The following SYMPK variants were observed in gnomAD, a reference collection of about 807,000 sequenced individuals.
The protein encoded by SYMPK is symplekin scaffold protein, also known as symplekin.
In SYMPK, 49 loss-of-function variants were observed where a neutral mutation model predicts 136.4. The observed-to-expected ratio is 0.36, with a 90% confidence interval of 0.29 to 0.46. The LOEUF (loss-of-function observed/expected upper bound fraction) is 0.46, where lower values mean the gene tolerates loss of function less well. SYMPK is among the 20% of genes least tolerant of loss of function. The pLI, the probability that SYMPK is intolerant of heterozygous loss-of-function variation, is 1.00. For synonymous variants in SYMPK, 766 were observed against 713.0 expected (o/e 1.07, Z -1.19); for missense variants, 1,365 against 1,690.0 (o/e 0.81, Z 3.37).
At chr19:45,824,654 C>T (rs963565358) in intron 18 of SYMPK, among the ~76,000 whole-genome samples, 2 of 152,208 alleles carry the variant, frequency 1.3e-5, no homozygotes, top group Admixed American at 6.5e-5. Flanking sequence ...AATCCTGCTG[C>T]AAACTGGAAG....
chr19:45,830,675 G>A (rs1271227698), intron 12 of SYMPK: 4 of 154,024 alleles, frequency 2.6e-5, no homozygotes, highest in African/African-American at 9.6e-5. Context: ...GGATCACGAG[G>A]TCAGGAGATC....
At chr19:45,824,037 G>A (rs1035936643) in intron 18 of SYMPK, 162 bp from the exon 19 acceptor site, 9 of 498,390 alleles carry the variant, frequency 1.8e-5, no homozygotes, top group African/African-American at 1.6e-4. Flanking sequence ...AGGAGAGTCA[G>A]AAGAACCTTG....
rs1600533686 is a variant in SYMPK at position 45,855,873 on chromosome 19, T to C, written c.-12-1366A>G. 3 of 151,996 alleles carry C rather than the reference T, an allele frequency of 2.0e-5. No individual in the cohort carries two copies. The South Asian group carries it at 6.2e-4, about 32-fold the overall frequency. 9.4% of individuals were successfully genotyped at this position (151,996 alleles called of 1,614,324 possible). ...TAGCTGGGCATGGTGGCGTGCCTGGTAGTCCCAGCTACTCAGGGAGGTGAA... is the reference window on the plus strand; with the variant it reads ...TAGCTGGGCATGGTGGCGTGCCTGGCAGTCCCAGCTACTCAGGGAGGTGAA... On this transcript the variant is annotated intron_variant, in intron 1 of 26. Transcript: ENST00000245934.
intron 16 of SYMPK, 117 bp downstream of exon 16, chr19:45,827,393 A>C: frequency 1.4e-6 from 1 of 692,928 alleles, no homozygotes; most frequent in Non-Finnish European, 2.6e-6. Flanking sequence ...GAAAGAAGGG[A>C]ATGGGCCCAG....
intron 1 of SYMPK, among the ~76,000 whole-genome samples, chr19:45,855,990 A>T (rs1433672664): frequency 6.6e-6 from 1 of 151,990 alleles, no homozygotes; most frequent in Non-Finnish European, 1.5e-5. Context: ...AAGGGGAAAA[A>T]ATATATATGT....
intron 12 of SYMPK, chr19:45,831,175 T>C (rs1971161694): frequency 1.8e-5 from 7 of 391,630 alleles, no homozygotes; most frequent in Admixed American, 4.4e-5. Context: ...AAGGATTTTT[T>C]TTTTTTTTTT....
At chr19:45,823,622 C>A in intron 19 of SYMPK, 145 bp downstream of exon 19, 1 of 974,492 alleles carries the variant, frequency 1.0e-6, no homozygotes, top group Non-Finnish European at 1.6e-6. Flanking sequence ...CACACTGTTC[C>A]AAATGGAGAA....
intron 11 of SYMPK, among the ~76,000 whole-genome samples, chr19:45,834,181 G>A (rs1439273939): frequency 2.0e-5 from 3 of 152,080 alleles, no homozygotes; most frequent in East Asian, 1.9e-4. Flanking sequence ...CCAGCTACTC[G>A]GGAGGCTGAG....
intron 16 of SYMPK, among the ~76,000 whole-genome samples, chr19:45,827,077 A>G (rs1971057744): frequency 6.6e-6 from 1 of 152,042 alleles, no homozygotes; most frequent in Admixed American, 6.5e-5. Flanking sequence ...CAGGGCAGCC[A>G]CACACTGCTC....
chr19:45,817,910 A>G (rs1432271745), intron 23 of SYMPK, 49 bp downstream of exon 23: 2 of 1,502,072 alleles, frequency 1.3e-6, no homozygotes, highest in Admixed American at 2.1e-5. Context: ...CAAGCAGGCT[A>G]GAAGCTGCTG....
chr19:45,845,964 C>T (rs550071259), intron 7 of SYMPK, among the ~76,000 whole-genome samples: 6 of 152,220 alleles, frequency 3.9e-5, no homozygotes, highest in Middle Eastern at 3.4e-3. Flanking sequence ...AGGCCGGGCG[C>T]GGTGGCTCAC....
chr19:45,843,948 A>G lies in SYMPK; in HGVS notation c.847+82T>C, dbSNP rs1256357859. ...ACAGAGCGAGACTCTGTCTCAAAAA[A>G]AAAAAAAAAAAAAAAAAAAAAAGAA... On this transcript the variant is annotated intron_variant, in intron 8 of 26. Transcript: ENST00000245934. The G allele has an allele frequency of 9.3e-6, 5 of 539,430 alleles. No homozygotes were observed. In the African/African-American group the frequency reaches 1.2e-4, roughly 13 times the overall value. The allele number at this position is 539,430 out of a possible 1,614,324, so 33.4% of individuals were successfully genotyped here.
At chr19:45,823,329 C>T (rs1329673609) in intron 20 of SYMPK, 43 bp downstream of exon 20, 3 of 1,578,600 alleles carry the variant, frequency 1.9e-6, no homozygotes, top group Non-Finnish European at 2.6e-6. Flanking sequence ...CCCAGTCCCA[C>T]ATGTCCCAGG....
At chr19:45,848,393 T>C (rs1175308483) in intron 6 of SYMPK, among the ~76,000 whole-genome samples, 1 of 152,242 alleles carries the variant, frequency 6.6e-6, no homozygotes, top group Non-Finnish European at 1.5e-5. Context: ...AATATTTATG[T>C]GATTCATTAA....
intron 17 of SYMPK, 64 bp from the exon 18 acceptor site, chr19:45,825,395 G>A: frequency 6.4e-7 from 1 of 1,557,738 alleles, no homozygotes; most frequent in Non-Finnish European, 8.7e-7. Flanking sequence ...CGGACCCTCA[G>A]GAATGTCCCT....
In SYMPK at chr19:45,829,050, G is replaced by A; in HGVS notation, c.1905C>T (p.Ala635=). Residue 635 remains alanine, a synonymous_variant, in exon 14 of 27, where the codon GCC becomes GCT. Coordinates refer to ENST00000245934, the MANE Select transcript of SYMPK (RefSeq NM_004819.3). ...CCTCATACTTGTCCAGGGAGCCCGA[G>A]GCACCTGCGGCCAGGTAGGCGTTGT... ...QEYNAYLAAG[A]SGSLDKYEDC... is the part of the protein sequence containing the mutation. 1 of 1,614,208 alleles carries A rather than the reference G, an allele frequency of 6.2e-7. No individual in the cohort carries two copies. The highest frequency in any genetic ancestry group is 1.1e-5 in the South Asian group (1 of 91,086).
At position 45,816,809 on chromosome 19, in the gene SYMPK, T is replaced by A; in HGVS notation, c.3247A>T (p.Thr1083Ser). The A allele has an allele frequency of 6.5e-7, 1 of 1,530,494 alleles. No homozygotes were observed. The highest frequency in any genetic ancestry group is 2.5e-5 in the East Asian group (1 of 40,536). The allele number at this position is 1,530,494 out of a possible 1,614,324, so 94.8% of individuals were successfully genotyped here. A position where few individuals can be genotyped will look rare whatever the true frequency, so the allele number is the denominator to read the frequency against. Reference protein sequence around the residue: ...EPLLAHVRSFTPHQQAHIPNS... With the variant: ...EPLLAHVRSFSPHQQAHIPNS... The stretch of plus-strand genomic sequence containing the variant: ...GGGGGAAGGGGTACCTGGTGGGGGG[T>A]GAAGGAGCGGACATGGGCCAGCAGG... Residue 1083 changes from threonine (T) to serine (S), a missense_variant, in exon 24 of 27, where the codon ACC becomes TCC. By Grantham distance (58) the Thr-to-Ser change is moderately conservative. Coordinates refer to ENST00000245934, the MANE Select transcript of SYMPK (RefSeq NM_004819.3).
At chr19:45,824,388 G>A (rs1240494228) in intron 18 of SYMPK, among the ~76,000 whole-genome samples, 3 of 152,094 alleles carry the variant, frequency 2.0e-5, no homozygotes, top group South Asian at 4.1e-4. Flanking sequence ...CTCTGCCCTC[G>A]AGAAGCTCAC....
At position 45,835,063 on chromosome 19, in the gene SYMPK, C is replaced by T. The variant is rs1168863172; in HGVS notation, c.1393+15G>A. 2 of 1,569,610 alleles carry T rather than the reference C, an allele frequency of 1.3e-6. No homozygotes were observed. The highest frequency in any genetic ancestry group is 1.7e-6 in the Non-Finnish European group (2 of 1,156,856). ...TGCCAATCCCTGGCCCAGGTTAGGG[C>T]CAGGACACACTCACCTGGTCCCAGT... On this transcript the variant is annotated intron_variant, in intron 11 of 26. Transcript: ENST00000245934.
Sources: allele counts gnomAD v4.1 joint callset (sites outside exome capture counted in the v4.1 genomes callset), GRCh38; gene constraint gnomAD v4.1.1; transcripts MANE v1.5; gene names NCBI Gene and HGNC (gene_info 2026-07-23, HGNC 2026-07-21).